RBM23: variants seen among roughly 807,000 people sequenced by gnomAD.
RBM23 encodes the protein probable RNA-binding protein 23.
In RBM23, 53 loss-of-function variants were observed where a neutral mutation model predicts 56.2. The ratio of observed to expected loss-of-function variants is 0.94; its 90% CI spans 0.76 to 1.19. The LOEUF (loss-of-function observed/expected upper bound fraction) is 1.19. Among genes scored for constraint, RBM23 ranks in the 50% most tolerant of loss-of-function variants. RBM23 has a pLI of 0.00. For missense variants in RBM23, 642 were observed against 590.3 expected, an observed-to-expected ratio of 1.09 and a Z score of -0.91; for synonymous variants, 197 against 198.5, an observed-to-expected ratio of 0.99 and a Z score of 0.06.
Position 22,893,378 on chromosome 14 carries a change from CAA to C in RBM23, c.*8350_*8351del, listed in dbSNP as rs1373487178. The C allele has an allele frequency of 6.6e-6, 1 of 152,148 alleles. No individual in the cohort carries two copies. The highest frequency in any genetic ancestry group is 1.5e-5 in the Non-Finnish European group (1 of 68,030). 9.4% of individuals were successfully genotyped at this position (152,148 alleles called of 1,614,324 possible). ...AGTGTGCCGGGCCCAATGGGGAAAA[CAA>C]ATACAAATAAGACACAATTTCTGCC... On this transcript the variant is annotated 3_prime_UTR_variant, in exon 14 of 14. Transcript: ENST00000359890.
Position 22,914,824 on chromosome 14 carries a change from G to A in RBM23, c.-10-3421C>T, listed in dbSNP as rs140860723. Among the ~76,000 whole-genome samples the A allele has an allele frequency of 2.1e-3, 323 of 150,944 alleles. 1 individual carries two copies. The highest frequency in any genetic ancestry group is 7.6e-3 in the African/African-American group (312 of 41,086). On this transcript the variant is annotated intron_variant, in intron 1 of 13. Coordinates refer to ENST00000359890, the MANE Select transcript of RBM23 (RefSeq NM_001077351.2). ...ATGGTGAAACCTCATCCCCATTAAA[G>A]ACACAAAAATTAGCCGGGCATGGTG...
In RBM23 at chr14:22,915,302, G is replaced by A. The variant is rs1027117040; in HGVS notation, c.-11+3697C>T. Among the ~76,000 whole-genome samples, 34 of 152,118 alleles carry A rather than the reference G, an allele frequency of 2.2e-4. 1 individual carries two copies. The highest frequency in any genetic ancestry group is 5.2e-4 in the Admixed American group (8 of 15,258). ...AATTGCCTCTGCCTCCCAGGTTCAA[G>A]CAACTCTCCTGCCTCAGCCTCCTGA... On this transcript the variant is annotated intron_variant, in intron 1 of 13. Transcript: ENST00000359890.
chr14:22,915,140 C>G (rs1313747412), intron 1 of RBM23, among the ~76,000 whole-genome samples: 1 of 152,118 alleles, frequency 6.6e-6, no homozygotes, highest in Non-Finnish European at 1.5e-5. Flanking sequence ...CTTACAGTAC[C>G]TACAACTGCT....
At chr14:22,904,399 T>A in intron 9 of RBM23, 73 bp from the exon 10 acceptor site, 14 of 202,814 alleles carry the variant, frequency 6.9e-5, no homozygotes, top group Non-Finnish European at 1.1e-4. Flanking sequence ...CCCAGACTGC[T>A]TTTTTTTTTT....
At chr14:22,901,953 C>T in intron 12 of RBM23, 27 bp downstream of exon 12, 1 of 1,611,280 alleles carries the variant, frequency 6.2e-7, no homozygotes, top group Non-Finnish European at 8.5e-7. Context: ...CCCAAACCTT[C>T]CCTTCCTTTC....
chr14:22,902,163 C>A, intron 11 of RBM23, 24 bp downstream of exon 11: 1 of 1,611,188 alleles, frequency 6.2e-7, no homozygotes, highest in Non-Finnish European at 8.5e-7. Flanking sequence ...ACCCCATAAT[C>A]TTCACCTTGC....
At position 22,911,462 on chromosome 14, in the gene RBM23, A is replaced by G. The variant is rs2042510637; in HGVS notation, c.-10-59T>C. ...TTTATATTTTTCCTCCCTTTCCAGC[A>G]CCACACATTTCTTTCCCACTCCAAG... On this transcript the variant is annotated intron_variant, in intron 1 of 13. Coordinates refer to ENST00000359890, the MANE Select transcript of RBM23 (RefSeq NM_001077351.2). 3 of 1,387,752 alleles carry G rather than the reference A, an allele frequency of 2.2e-6. No individual in the cohort carries two copies. The Admixed American group carries it at 5.4e-5, about 25-fold the overall frequency. 86.0% of individuals were successfully genotyped at this position (1,387,752 alleles called of 1,614,324 possible). A position where few individuals can be genotyped will look rare whatever the true frequency, so the allele number is the denominator to read the frequency against.
chr14:22,915,170 T>A (rs891022617), intron 1 of RBM23, among the ~76,000 whole-genome samples: 2 of 152,110 alleles, frequency 1.3e-5, no homozygotes, highest in East Asian at 3.8e-4. Context: ...GCTAAGCATG[T>A]TATGGAGAGA....
Position 22,906,215 on chromosome 14 carries a change from C to A in RBM23, c.381G>T (p.Arg127Ser). 1.2e-6 allele frequency: 2 copies of A among 1,614,234 alleles called. No homozygotes were observed. The highest frequency in any genetic ancestry group is 1.7e-6 in the Non-Finnish European group (2 of 1,180,030). Reference protein sequence around the residue: ...DHRREDRVHYRSPPLATGYRY... With the variant: ...DHRREDRVHYSSPPLATGYRY... ...GATACCCAGTGGCAAGTGGAGGACT[C>A]CTGTAATGCACACGATCCTCACGAC... Residue 127 changes from arginine to serine, a missense_variant, in exon 5 of 14, where the codon AGG becomes AGT. Arg to Ser is a moderately radical substitution (Grantham distance 110). Transcript: ENST00000359890.
intron 1 of RBM23, among the ~76,000 whole-genome samples, chr14:22,918,602 C>A (rs1206013845): frequency 6.6e-6 from 1 of 152,124 alleles, no homozygotes; most frequent in African/African-American, 2.4e-5. Flanking sequence ...AAGCTCAATT[C>A]CCTTCTCTCT....
In RBM23 at chr14:22,904,884, G is replaced by A; in HGVS notation, c.855C>T (p.Pro285=). The A allele has an allele frequency of 6.2e-7, 1 of 1,614,112 alleles. No homozygotes were observed. Among genetic ancestry groups the A allele is most frequent in the Non-Finnish European group, 8.5e-7 (1 of 1,179,990 alleles). ...TCTCACTTCTACTCACTTTACCAAA[G>A]GGCTCAAAGATGCCCCGGAGCATGT... ...TEDMLRGIFE[P]FGKIDNIVLM... is the part of the protein sequence containing the mutation. Residue 285 remains proline, a synonymous_variant, in exon 9 of 14, where the codon CCC becomes CCT. Transcript: ENST00000359890.
rs576463132 is a variant in RBM23, at chr14:22,902,049, C to CGGG, written c.1176_1177insCCC (p.Ala392_Ala393insPro). On this transcript the variant is annotated inframe_insertion, in exon 12 of 14. Transcript: ENST00000359890. Reference sequence around the variant, plus strand: ...TTCAGTTGCAAGGCAGCAGCCTGGGCGGCGGCGGCAGCAGCAGCAGCAGCA... The same window carrying CGGG: ...TTCAGTTGCAAGGCAGCAGCCTGGGCGGGGGCGGCGGCAGCAGCAGCAGCAGCA... 58 of 1,603,912 alleles carry CGGG rather than the reference C, an allele frequency of 3.6e-5. 1 individual carries two copies. The East Asian group carries it at 1.3e-3, about 35-fold the overall frequency.
At position 22,902,756 on chromosome 14, in the gene RBM23, C is replaced by CCTTTTTTTTTTTTTTT. The variant is rs1555336814; in HGVS notation, c.931-375_931-374insAAAAAAAAAAAAAAAG. ...GTTCTCTATCCTAGTAAGTTTTAGT[C>CCTTTTTTTTTTTTTTT]TTTTTTTTTTTTTTTTTTTTTTTTT... On this transcript the variant is annotated intron_variant, in intron 10 of 13. Coordinates refer to ENST00000359890, the MANE Select transcript of RBM23 (RefSeq NM_001077351.2). 4.4e-5 allele frequency: 19 copies of CCTTTTTTTTTTTTTTT among 432,480 alleles called. 9 individuals carry two copies. Among genetic ancestry groups the CCTTTTTTTTTTTTTTT allele is most frequent in the Admixed American group, 4.5e-4 (2 of 4,470 alleles). The allele number at this position is 432,480 out of a possible 1,614,324, so 26.8% of individuals were successfully genotyped here.
At position 22,913,626 on chromosome 14, in the gene RBM23, G is replaced by C. The variant is rs1264146835; in HGVS notation, c.-10-2223C>G. 6 of 151,390 alleles carry C rather than the reference G, an allele frequency of 4.0e-5. No individual in the cohort carries two copies. The Admixed American group carries it at 4.0e-4, about 10-fold the overall frequency. The allele number at this position is 151,390 out of a possible 1,614,324, so 9.4% of individuals were successfully genotyped here. On this transcript the variant is annotated intron_variant, in intron 1 of 13. Coordinates refer to ENST00000359890, the MANE Select transcript of RBM23 (RefSeq NM_001077351.2). ...AAATATAAAAATTAAGGCTGGGCAC[G>C]GTCATGAGGTCAGGAGTTTGAGACC...
chr14:22,902,678 G>T, intron 10 of RBM23: 1 of 1,089,906 alleles, frequency 9.2e-7, no homozygotes, highest in Non-Finnish European at 1.1e-6. Context: ...TTCACAAATG[G>T]GTATATCAAA....
chr14:22,916,800 C>CATGTACAGTGTATGCA (rs753863085), intron 1 of RBM23, among the ~76,000 whole-genome samples: 96 of 152,154 alleles, frequency 6.3e-4, no homozygotes, highest in Non-Finnish European at 4.3e-4. Flanking sequence ...ATATCTGAGG[C>CATGTACAGTGTATGCA]ATGTACAGTG....
Position 22,905,607 on chromosome 14 carries a change from T to C in RBM23, c.454A>G (p.Arg152Gly). ...AAACAGTGTTCATTATCAACCCACCTGACTGGGCTCTTCTCTCTGAAATGA... is the reference window on the plus strand; with the variant it reads ...AAACAGTGTTCATTATCAACCCACCCGACTGGGCTCTTCTCTCTGAAATGA... ...SPHFREKSPV[R>G]EPVDNLSPEE... is the part of the protein sequence containing the mutation. The change falls in exon 6 of 14, where the codon AGG becomes GGG. Residue 152 changes from arginine (R) to glycine (G), a missense_variant and splice_region_variant. Transcript: ENST00000359890. 1.2e-6 allele frequency: 2 copies of C among 1,611,114 alleles called. No individual in the cohort carries two copies. Among genetic ancestry groups the C allele is most frequent in the South Asian group, 2.2e-5 (2 of 91,020 alleles).
rs375889949 is a variant in RBM23 at position 22,906,310 on chromosome 14, G to C, written c.286C>G (p.Arg96Gly). Residue 96 changes from arginine to glycine, a missense_variant, in exon 5 of 14, where the codon CGG becomes GGG. Transcript: ENST00000359890. ...RRNSRSRSPGRQCRHRSRSWD... is the reference protein window; with the variant it reads ...RRNSRSRSPGGQCRHRSRSWD... ...CTACGGCTACGGTGACGACACTGCC[G>C]ACCTGGACTTCGGCTCCGACTATTT... is the stretch of plus-strand genomic sequence containing the variant. 6.2e-7 allele frequency: 1 copy of C among 1,614,172 alleles called. No individual in the cohort carries two copies. The highest frequency in any genetic ancestry group is 8.5e-7 in the Non-Finnish European group (1 of 1,180,038).
chr14:22,904,397 G>GC, intron 9 of RBM23, 71 bp from the exon 10 acceptor site: 1 of 1,231,544 alleles, frequency 8.1e-7, no homozygotes, highest in Non-Finnish European at 1.1e-6. Flanking sequence ...TACCCAGACT[G>GC]CTTTTTTTTT....
Sources: allele counts gnomAD v4.1 joint callset (sites outside exome capture counted in the v4.1 genomes callset), GRCh38; gene constraint gnomAD v4.1.1; transcripts MANE v1.5; gene names NCBI Gene and HGNC (gene_info 2026-07-23, HGNC 2026-07-21).